The following AFF3 variants were observed in gnomAD, a reference collection of about 807,000 sequenced individuals.
AFF3 encodes the protein AF4/FMR2 family member 3.
AFF3 carries 32 observed loss-of-function variants against 129.7 expected under a neutral mutation model. That is an observed-to-expected ratio of 0.25 (90% confidence interval 0.19 to 0.33). The LOEUF is 0.33. Ranked by LOEUF, AFF3 falls within the 10% of genes least tolerant of loss-of-function variation. The pLI is 1.00. For synonymous variants in AFF3, 644 were observed against 635.4 expected (o/e 1.01, Z -0.20); for missense variants, 1,373 against 1,592.0 (o/e 0.86, Z 2.34).
At chr2:99,819,949 G>A (rs1223920749) in intron 8 of AFF3, among the ~76,000 whole-genome samples, 1 of 152,196 alleles carries the variant, frequency 6.6e-6, no homozygotes, top group Non-Finnish European at 1.5e-5. Flanking sequence ...CCTCCACCAG[G>A]AGGTGCCAGT....
At chr2:99,757,194 T>C (rs751865829) in intron 8 of AFF3, among the ~76,000 whole-genome samples, 2 of 152,200 alleles carry the variant, frequency 1.3e-5, no homozygotes, top group East Asian at 1.9e-4. Context: ...TTAAAAACCA[T>C]GTGGTATGCT....
chr2:99,643,266 A>G (rs1350034440), intron 13 of AFF3, among the ~76,000 whole-genome samples: 1 of 152,002 alleles, frequency 6.6e-6, no homozygotes, highest in Non-Finnish European at 1.5e-5. Context: ...CACCATATTG[A>G]TCATGCTGGT....
chr2:99,953,297 T>C (rs1676337234), intron 7 of AFF3, among the ~76,000 whole-genome samples: 1 of 152,102 alleles, frequency 6.6e-6, no homozygotes, highest in African/African-American at 2.4e-5. Flanking sequence ...TAGACTTTCC[T>C]CCACTGGAAA....
intron 13 of AFF3, among the ~76,000 whole-genome samples, chr2:99,633,958 A>G (rs533790830): frequency 3.3e-5 from 4 of 122,746 alleles, no homozygotes; most frequent in African/African-American, 1.3e-4. Flanking sequence ...TCTGTCACCC[A>G]GGCTGGAGTG....
intron 4 of AFF3, among the ~76,000 whole-genome samples, chr2:100,102,518 T>G (rs1332469455): frequency 6.6e-6 from 1 of 151,906 alleles, no homozygotes; most frequent in Non-Finnish European, 1.5e-5. Flanking sequence ...ACTGCTAATG[T>G]AAATTTCAAG....
chr2:99,916,906 G>A (rs191759537), intron 7 of AFF3, among the ~76,000 whole-genome samples: 17 of 152,184 alleles, frequency 1.1e-4, no homozygotes, highest in African/African-American at 3.1e-4. Flanking sequence ...GCTTAAGGGC[G>A]GGGATTCCTT....
intron 13 of AFF3, among the ~76,000 whole-genome samples, chr2:99,603,680 CAGAGT>C (rs2105106621): frequency 6.6e-6 from 1 of 152,280 alleles, no homozygotes; most frequent in African/African-American, 2.4e-5. Flanking sequence ...AAACTATCAA[CAGAGT>C]AAACAGACAA....
At chr2:100,046,323 G>A (rs1685829617) in intron 4 of AFF3, among the ~76,000 whole-genome samples, 1 of 152,172 alleles carries the variant, frequency 6.6e-6, no homozygotes. Flanking sequence ...GTAACATCAG[G>A]ATTCCAACCT....
Position 99,793,252 on chromosome 2 carries a change from C to CT in AFF3, c.922-40952dup, listed in dbSNP as rs1268690957. Among the ~76,000 whole-genome samples the CT allele has an allele frequency of 9.2e-5, 14 of 152,350 alleles. No homozygotes were observed. In the South Asian group the frequency reaches 2.9e-3, roughly 32 times the overall value. ...CTCTCAATGTGACACGCCTGCTCCCCTTTCGCCTTCCATCCTGACTATAAG... is the reference window on the plus strand; with the variant it reads ...CTCTCAATGTGACACGCCTGCTCCCCTTTTCGCCTTCCATCCTGACTATAAG... On this transcript the variant is annotated intron_variant, in intron 8 of 24. Transcript: ENST00000672756.
intron 12 of AFF3, among the ~76,000 whole-genome samples, chr2:99,654,298 A>T (rs1206202015): frequency 6.6e-6 from 1 of 152,246 alleles, no homozygotes. Flanking sequence ...AGTATATGTC[A>T]GATGTTTTAA....
chr2:99,860,852 C>T (rs1326980253), intron 7 of AFF3, among the ~76,000 whole-genome samples: 1 of 152,196 alleles, frequency 6.6e-6, no homozygotes, highest in East Asian at 1.9e-4. Context: ...GTGTCTGTCA[C>T]TACCCATAGT....
chr2:99,600,538 C>T (rs1446828422), intron 14 of AFF3, among the ~76,000 whole-genome samples: 3 of 152,088 alleles, frequency 2.0e-5, no homozygotes, highest in South Asian at 4.1e-4. Flanking sequence ...GGGTTTAGTT[C>T]CATTTCAGAG....
At chr2:99,581,458 G>A (rs1044823772) in intron 17 of AFF3, among the ~76,000 whole-genome samples, 1 of 152,100 alleles carries the variant, frequency 6.6e-6, no homozygotes, top group African/African-American at 2.4e-5. Flanking sequence ...TTTAATTCAT[G>A]GGATAAAGTG....
chr2:99,822,104 T>A (rs1352968782), intron 8 of AFF3, among the ~76,000 whole-genome samples: 1 of 152,200 alleles, frequency 6.6e-6, no homozygotes, highest in African/African-American at 2.4e-5. Flanking sequence ...TTAAACTCCG[T>A]CTCTTACTCG....
intron 8 of AFF3, among the ~76,000 whole-genome samples, chr2:99,773,344 T>C (rs931737973): frequency 1.3e-5 from 2 of 152,192 alleles, no homozygotes; most frequent in South Asian, 2.1e-4. Context: ...ACTCGTGAGG[T>C]AGGATAAGAC....
At chr2:100,077,718 C>T (rs1363679607) in intron 4 of AFF3, among the ~76,000 whole-genome samples, 1 of 152,182 alleles carries the variant, frequency 6.6e-6, no homozygotes, top group Non-Finnish European at 1.5e-5. Flanking sequence ...TCTTTCTCTA[C>T]TATTTCCACT....
chr2:99,567,789 T>G (rs1676112985), intron 19 of AFF3, among the ~76,000 whole-genome samples: 1 of 152,164 alleles, frequency 6.6e-6, no homozygotes. Flanking sequence ...AAGATAGGGT[T>G]GGGCAAGAGG....
chr2:99,637,253 TAAACAAAGCA>T (rs990457132), intron 13 of AFF3, among the ~76,000 whole-genome samples: 7 of 152,194 alleles, frequency 4.6e-5, no homozygotes, highest in South Asian at 4.1e-4. Context: ...AGTTTGGTTT[TAAACAAAGCA>T]AAACAAAGCA....
intron 7 of AFF3, among the ~76,000 whole-genome samples, chr2:99,929,083 C>T (rs771774237): frequency 6.6e-6 from 1 of 152,106 alleles, no homozygotes; most frequent in Non-Finnish European, 1.5e-5. Flanking sequence ...AAATGGCATG[C>T]GTAAATGAAA....
Sources: allele counts gnomAD v4.1 joint callset (sites outside exome capture counted in the v4.1 genomes callset), GRCh38; gene constraint gnomAD v4.1.1; transcripts MANE v1.5; gene names NCBI Gene and HGNC (gene_info 2026-07-23, HGNC 2026-07-21).